CCNJL: variants seen among roughly 807,000 people sequenced by gnomAD.
CCNJL encodes cyclin J like.
Under a neutral mutation model 33.4 loss-of-function variants are expected in CCNJL, and 33 were observed. The observed-to-expected ratio is 0.99, with a 90% confidence interval of 0.75 to 1.32. CCNJL has a LOEUF of 1.32. Among genes scored for constraint, CCNJL ranks in the 40% most tolerant of loss-of-function variants. The pLI is 0.00. For synonymous variants in CCNJL, 227 were observed against 220.9 expected (o/e 1.03, Z -0.24); for missense variants, 512 against 499.7 (o/e 1.02, Z -0.23).
In CCNJL at chr5:160,285,291, G is replaced by A. The variant is rs1000812656; in HGVS notation, c.67-4553C>T. On this transcript the variant is annotated intron_variant, in intron 2 of 5. Coordinates refer to ENST00000257536, the MANE Select transcript of CCNJL (RefSeq NM_001308173.3). Reference sequence around the variant, plus strand: ...TGTGTATTCTTCATCTTCATGGTTTGATGAATTTATGCAGCCACCATGGAG... The same window carrying A: ...TGTGTATTCTTCATCTTCATGGTTTAATGAATTTATGCAGCCACCATGGAG... 2.0e-5 allele frequency among the ~76,000 whole-genome samples: 3 copies of A among 152,228 alleles called. No homozygotes were observed. In the South Asian group the frequency reaches 6.2e-4, roughly 32 times the overall value.
chr5:160,333,441 A>T (rs74746125), intron 1 of CCNJL, among the ~76,000 whole-genome samples: 4,140 of 151,992 alleles, frequency 0.027, 177 homozygotes, highest in African/African-American at 0.093. Flanking sequence ...TTTTTTAAAA[A>T]GTAGCCAGGC....
intron 1 of CCNJL, among the ~76,000 whole-genome samples, chr5:160,319,612 C>T (rs1763416636): frequency 6.6e-6 from 1 of 152,110 alleles, no homozygotes; most frequent in South Asian, 2.1e-4. Flanking sequence ...CAGTAAAGGA[C>T]GTCGTCAATA....
intron 2 of CCNJL, among the ~76,000 whole-genome samples, chr5:160,309,545 A>G (rs1326993970): frequency 6.6e-6 from 1 of 152,244 alleles, no homozygotes; most frequent in Non-Finnish European, 1.5e-5. Context: ...ATATTATCAG[A>G]GTAGACATTT....
In CCNJL at chr5:160,255,426, C is replaced by T. The variant is rs913927279; in HGVS notation, c.743+123G>A. ...TCACCATGGCCCACTTTCCCTGAGA[C>T]CCTGTAGCTGGAAGAACCACCACAA... On this transcript the variant is annotated intron_variant, in intron 5 of 5. Transcript: ENST00000257536. The T allele has an allele frequency of 6.7e-5, 57 of 845,696 alleles. No individual in the cohort carries two copies. In the East Asian group the frequency reaches 1.4e-3, roughly 21 times the overall value. The allele number at this position is 845,696 out of a possible 1,614,324, so 52.4% of individuals were successfully genotyped here.
At chr5:160,318,872 TAATATA>T (rs1317177682) in intron 1 of CCNJL, among the ~76,000 whole-genome samples, 2 of 152,166 alleles carry the variant, frequency 1.3e-5, no homozygotes, top group African/African-American at 4.8e-5. Context: ...CTGGCATGCA[TAATATA>T]AATGATAAAA....
chr5:160,260,888 A>G (rs1318354690), intron 3 of CCNJL, among the ~76,000 whole-genome samples: 1 of 151,996 alleles, frequency 6.6e-6, no homozygotes, highest in East Asian at 1.9e-4. Context: ...CCTGTACTGT[A>G]CGACTCCCAC....
intron 2 of CCNJL, among the ~76,000 whole-genome samples, chr5:160,288,201 G>C (rs1207391560): frequency 2.0e-5 from 3 of 151,082 alleles, no homozygotes; most frequent in African/African-American, 4.9e-5. Flanking sequence ...CTACGGAGGA[G>C]AGGTCGGGAT....
chr5:160,279,883 G>T (rs1360400914), intron 3 of CCNJL, among the ~76,000 whole-genome samples: 1 of 152,202 alleles, frequency 6.6e-6, no homozygotes, highest in Admixed American at 6.5e-5. Context: ...TGTGTTTTAA[G>T]GAGATCATCC....
intron 2 of CCNJL, among the ~76,000 whole-genome samples, chr5:160,295,564 A>G (rs2421777): frequency 0.36 from 54,607 of 152,060 alleles, 12,139 homozygotes; most frequent in African/African-American, 0.64. Flanking sequence ...AGATCAGGAT[A>G]GGCGCTAATC....
chr5:160,300,278 G>C (rs541755245), intron 2 of CCNJL, among the ~76,000 whole-genome samples: 102 of 152,238 alleles, frequency 6.7e-4, no homozygotes, highest in African/African-American at 2.4e-3. Context: ...GGGACTAAGA[G>C]GGAGCTGGAG....
chr5:160,280,959 A>T (rs1363388474), intron 2 of CCNJL: 6 of 647,538 alleles, frequency 9.3e-6, no homozygotes, highest in Non-Finnish European at 1.4e-5. Context: ...CTAGAGGATG[A>T]CAGAGGAAGC....
intron 2 of CCNJL, among the ~76,000 whole-genome samples, chr5:160,288,054 T>C (rs1762466292): frequency 6.6e-6 from 1 of 151,914 alleles, no homozygotes; most frequent in Non-Finnish European, 1.5e-5. Context: ...CATGGTGGAG[T>C]TCCGGGAAAA....
chr5:160,322,737 C>T (rs889117969), intron 1 of CCNJL, among the ~76,000 whole-genome samples: 2 of 149,132 alleles, frequency 1.3e-5, no homozygotes, highest in Non-Finnish European at 3.0e-5. Context: ...GAAACCCCAT[C>T]TCTACTAAAG....
At chr5:160,275,784 C>T (rs1761988844) in intron 3 of CCNJL, among the ~76,000 whole-genome samples, 1 of 152,216 alleles carries the variant, frequency 6.6e-6, no homozygotes, top group Non-Finnish European at 1.5e-5. Context: ...CCAACCCTCC[C>T]TCCCTCCTCA....
At chr5:160,262,563 G>A (rs947660493) in intron 3 of CCNJL, among the ~76,000 whole-genome samples, 6 of 152,196 alleles carry the variant, frequency 3.9e-5, no homozygotes, top group Non-Finnish European at 8.8e-5. Context: ...GCTGCAGAAT[G>A]GAAAGTGCTT....
At chr5:160,285,540 G>A (rs1365444080) in intron 2 of CCNJL, among the ~76,000 whole-genome samples, 3 of 152,340 alleles carry the variant, frequency 2.0e-5, no homozygotes, top group Non-Finnish European at 2.9e-5. Flanking sequence ...GAGGGAAGTC[G>A]TGACCAACTC....
At chr5:160,277,924 T>A (rs1482138390) in intron 3 of CCNJL, among the ~76,000 whole-genome samples, 2 of 151,988 alleles carry the variant, frequency 1.3e-5, no homozygotes, top group African/African-American at 4.8e-5. Flanking sequence ...TTTTTTTTTC[T>A]GAGATGGGGT....
At chr5:160,265,482 T>G (rs547833693) in intron 3 of CCNJL, among the ~76,000 whole-genome samples, 23 of 151,432 alleles carry the variant, frequency 1.5e-4, no homozygotes, top group Middle Eastern at 3.4e-3. Context: ...CTAAAAAAAT[T>G]TAAAAATTAC....
chr5:160,253,981 C>T, intron 5 of CCNJL, 183 bp from the exon 6 acceptor site: 1 of 495,086 alleles, frequency 2.0e-6, no homozygotes, highest in Non-Finnish European at 3.5e-6. Flanking sequence ...AGATTCAGGC[C>T]TTGGCTCTCA....
Sources: allele counts gnomAD v4.1 joint callset (sites outside exome capture counted in the v4.1 genomes callset), GRCh38; gene constraint gnomAD v4.1.1; transcripts MANE v1.5; gene names NCBI Gene and HGNC (gene_info 2026-07-23, HGNC 2026-07-21).